ATP8A1: variants seen among roughly 807,000 people sequenced by gnomAD.
ATP8A1 encodes the protein phospholipid-transporting ATPase IA.
In ATP8A1, 90 loss-of-function variants were observed where a neutral mutation model predicts 177.7. The observed-to-expected ratio is 0.51, with a 90% confidence interval of 0.43 to 0.60. ATP8A1 has a LOEUF of 0.60. ATP8A1 is among the 20% of genes least tolerant of loss of function. The pLI is 0.00. For missense variants in ATP8A1, 1,072 were observed against 1,392.8 expected (o/e 0.77, Z 3.67); for synonymous variants, 493 against 485.9 (o/e 1.01, Z -0.19).
intron 35 of ATP8A1, among the ~76,000 whole-genome samples, chr4:42,420,008 A>AAAC (rs1553865542): frequency 7.8e-6 from 1 of 128,570 alleles, no homozygotes; most frequent in African/African-American, 3.1e-5. Flanking sequence ...GTCTCAAAAA[A>AAAC]AAACAAACAA....
At chr4:42,606,890 C>T (rs571570941) in intron 5 of ATP8A1, among the ~76,000 whole-genome samples, 37 of 152,340 alleles carry the variant, frequency 2.4e-4, no homozygotes, top group African/African-American at 8.9e-4. Context: ...GCACTCCATA[C>T]TTTTACCAGC....
intron 24 of ATP8A1, among the ~76,000 whole-genome samples, chr4:42,492,088 T>C (rs959145001): frequency 1.3e-5 from 2 of 152,166 alleles, no homozygotes; most frequent in Non-Finnish European, 2.9e-5. Context: ...CTCTCATATA[T>C]GTCCCAGAGG....
chr4:42,546,553 C>T (rs1373042451), intron 19 of ATP8A1, among the ~76,000 whole-genome samples: 1 of 150,892 alleles, frequency 6.6e-6, no homozygotes, highest in East Asian at 1.9e-4. Context: ...GCACGTTGTG[C>T]ACCTGTACCC....
At chr4:42,447,914 C>G (rs1413693974) in intron 30 of ATP8A1, among the ~76,000 whole-genome samples, 1 of 152,140 alleles carries the variant, frequency 6.6e-6, no homozygotes, top group African/African-American at 2.4e-5. Flanking sequence ...CAGGGCAAGG[C>G]ATGTTCAGCA....
chr4:42,462,345 C>T (rs1719261641), intron 27 of ATP8A1, among the ~76,000 whole-genome samples: 1 of 152,230 alleles, frequency 6.6e-6, no homozygotes, highest in South Asian at 2.1e-4. Flanking sequence ...CCAGGGTACA[C>T]TCGTGCTGTG....
At chr4:42,566,190 T>C (rs936228309) in intron 15 of ATP8A1, among the ~76,000 whole-genome samples, 17 of 152,250 alleles carry the variant, frequency 1.1e-4, no homozygotes, top group African/African-American at 3.9e-4. Flanking sequence ...ATATGTAATC[T>C]ACATATATCT....
intron 1 of ATP8A1, among the ~76,000 whole-genome samples, chr4:42,630,982 T>C (rs1196756195): frequency 6.6e-6 from 1 of 152,214 alleles, no homozygotes; most frequent in Non-Finnish European, 1.5e-5. Flanking sequence ...TTGTAATAGA[T>C]TACAATACAT....
chr4:42,489,113 G>A (rs747336202), intron 24 of ATP8A1, among the ~76,000 whole-genome samples: 1 of 152,122 alleles, frequency 6.6e-6, no homozygotes, highest in Non-Finnish European at 1.5e-5. Flanking sequence ...TACTTTAACA[G>A]ACTTTCAAAC....
intron 1 of ATP8A1, among the ~76,000 whole-genome samples, chr4:42,650,429 C>T (rs1345700061): frequency 6.6e-6 from 1 of 152,196 alleles, no homozygotes; most frequent in African/African-American, 2.4e-5. Context: ...TTTGTCCCAC[C>T]ACCCATTTAG....
At chr4:42,486,430 T>C (rs1333887170) in intron 24 of ATP8A1, among the ~76,000 whole-genome samples, 1 of 152,216 alleles carries the variant, frequency 6.6e-6, no homozygotes, top group Non-Finnish European at 1.5e-5. Context: ...TTCTTTATTA[T>C]GGCTAGCACA....
intron 20 of ATP8A1, among the ~76,000 whole-genome samples, chr4:42,540,497 A>C (rs1346730424): frequency 1.8e-4 from 28 of 152,070 alleles, no homozygotes. Flanking sequence ...TTGCAGCACT[A>C]TTCACAATAG....
intron 24 of ATP8A1, among the ~76,000 whole-genome samples, chr4:42,491,043 G>A (rs1012035872): frequency 6.6e-6 from 1 of 152,060 alleles, no homozygotes; most frequent in Non-Finnish European, 1.5e-5. Context: ...TCTGCTGCCT[G>A]TAAAACTCCT....
intron 1 of ATP8A1, among the ~76,000 whole-genome samples, chr4:42,647,393 T>C (rs1359431586): frequency 6.6e-6 from 1 of 152,112 alleles, no homozygotes; most frequent in Non-Finnish European, 1.5e-5. Context: ...GCACATGAAA[T>C]AGTACAAATT....
intron 35 of ATP8A1, among the ~76,000 whole-genome samples, chr4:42,420,964 T>C (rs1713844328): frequency 6.6e-6 from 1 of 151,952 alleles, no homozygotes; most frequent in Non-Finnish European, 1.5e-5. Flanking sequence ...GAGACGGGTT[T>C]TCACTGTGTT....
intron 33 of ATP8A1, among the ~76,000 whole-genome samples, chr4:42,435,135 T>C (rs1173304849): frequency 6.6e-6 from 1 of 152,154 alleles, no homozygotes; most frequent in African/African-American, 2.4e-5. Context: ...GCAAGAATTA[T>C]GTCCAGTTGG....
chr4:42,483,074 T>A (rs1721855767), intron 25 of ATP8A1, among the ~76,000 whole-genome samples: 1 of 152,134 alleles, frequency 6.6e-6, no homozygotes, highest in Non-Finnish European at 1.5e-5. Flanking sequence ...TGGGTTTAAT[T>A]GGAAAGAATG....
intron 27 of ATP8A1, among the ~76,000 whole-genome samples, chr4:42,458,284 T>G (rs13105468): frequency 0.67 from 101,200 of 152,074 alleles, 35,059 homozygotes; most frequent in Middle Eastern, 0.76. Context: ...CCGGTCCCTC[T>G]GGGGAGGTGT....
chr4:42,596,639 C>A lies in ATP8A1; in HGVS notation c.450+3839G>T, dbSNP rs185159657. Among the ~76,000 whole-genome samples the A allele has an allele frequency of 5.3e-3, 767 of 143,640 alleles. 9 individuals are homozygous for A. The highest frequency in any genetic ancestry group is 0.019 in the African/African-American group (724 of 38,368). The allele number at this position is 143,640 out of a possible 152,430, so 94.2% of individuals were successfully genotyped here. On this transcript the variant is annotated intron_variant, in intron 6 of 36. Coordinates refer to ENST00000381668, the MANE Select transcript of ATP8A1 (RefSeq NM_006095.2). ...CCGAGATTGCGCCACTGCATTCCAA[C>A]CTGGGCAACAGAGCGAGACTCCATC...
At chr4:42,641,398 C>T (rs1280907910) in intron 1 of ATP8A1, among the ~76,000 whole-genome samples, 2 of 152,036 alleles carry the variant, frequency 1.3e-5, no homozygotes, top group East Asian at 1.9e-4. Flanking sequence ...GGTGTGTTCC[C>T]TTCACTGTGA....
Sources: allele counts gnomAD v4.1 joint callset (sites outside exome capture counted in the v4.1 genomes callset), GRCh38; gene constraint gnomAD v4.1.1; transcripts MANE v1.5; gene names NCBI Gene and HGNC (gene_info 2026-07-23, HGNC 2026-07-21).